Variants in DNM3 observed in about 807,000 individuals in gnomAD.
DNM3 encodes dynamin-3.
In DNM3, 47 loss-of-function variants were observed where a neutral mutation model predicts 101.6. That is an observed-to-expected ratio of 0.46 (90% CI 0.37 to 0.59). The LOEUF (loss-of-function observed/expected upper bound fraction) is 0.59, where lower values mean the gene tolerates loss of function less well. DNM3 is among the 20% of genes least tolerant of loss of function. DNM3 has a pLI of 0.00. For synonymous variants in DNM3, 385 were observed against 387.9 expected (o/e 0.99, Z 0.09); for missense variants, 849 against 1,085.7 (o/e 0.78, Z 3.06).
At chr1:172,143,254 C>A (rs1469442700) in intron 14 of DNM3, among the ~76,000 whole-genome samples, 1 of 152,042 alleles carries the variant, frequency 6.6e-6, no homozygotes, top group Non-Finnish European at 1.5e-5. Flanking sequence ...ACCACTGTAA[C>A]TTTAAAGGAG....
intron 2 of DNM3, among the ~76,000 whole-genome samples, chr1:171,922,412 C>G (rs1373922278): frequency 6.6e-6 from 1 of 151,350 alleles, no homozygotes; most frequent in Non-Finnish European, 1.5e-5. Flanking sequence ...GGCCATTTTT[C>G]TTTTTCCCCA....
At chr1:172,128,081 A>G (rs1356534830) in intron 13 of DNM3, among the ~76,000 whole-genome samples, 1 of 151,916 alleles carries the variant, frequency 6.6e-6, no homozygotes, top group Non-Finnish European at 1.5e-5. Flanking sequence ...CCATGATCTT[A>G]TTGCTTTTGT....
At chr1:171,918,763 A>T (rs2039923638) in intron 1 of DNM3, among the ~76,000 whole-genome samples, 1 of 152,218 alleles carries the variant, frequency 6.6e-6, no homozygotes, top group Non-Finnish European at 1.5e-5. Flanking sequence ...TAATAAAAAA[A>T]ATGTAGAGAA....
chr1:171,846,448 C>T (rs532154843), intron 1 of DNM3, among the ~76,000 whole-genome samples: 1 of 152,142 alleles, frequency 6.6e-6, no homozygotes, highest in Non-Finnish European at 1.5e-5. Context: ...GGAATGGAAA[C>T]TTAATGTTTA....
chr1:172,284,005 C>G (rs1250907688), intron 15 of DNM3, among the ~76,000 whole-genome samples: 1 of 152,002 alleles, frequency 6.6e-6, no homozygotes, highest in African/African-American at 2.4e-5. Context: ...CTACAATTTT[C>G]TCTTTTATAT....
chr1:171,976,842 T>A (rs1351168019), intron 2 of DNM3, among the ~76,000 whole-genome samples: 1 of 152,230 alleles, frequency 6.6e-6, no homozygotes, highest in Non-Finnish European at 1.5e-5. Flanking sequence ...ATACTTAGAG[T>A]TCTGATACAA....
At chr1:172,399,753 T>G (rs1295854217) in intron 20 of DNM3, 1 of 152,174 alleles carries the variant, frequency 6.6e-6, no homozygotes, top group Non-Finnish European at 1.5e-5. Context: ...ATTCTTTTTC[T>G]TCATATTTAC....
chr1:172,314,666 G>A (rs1465462300), intron 16 of DNM3, among the ~76,000 whole-genome samples: 2 of 152,204 alleles, frequency 1.3e-5, no homozygotes, highest in South Asian at 2.1e-4. Context: ...CAAACTGCAA[G>A]GTGGCAGCGA....
chr1:172,158,516 C>G (rs2058428184), intron 14 of DNM3, among the ~76,000 whole-genome samples: 1 of 151,456 alleles, frequency 6.6e-6, no homozygotes, highest in Admixed American at 6.6e-5. Flanking sequence ...AGACAGTGTG[C>G]AGTGAGAAGA....
chr1:172,372,476 T>C (rs1228805937), intron 17 of DNM3, among the ~76,000 whole-genome samples: 2 of 151,982 alleles, frequency 1.3e-5, no homozygotes, highest in Non-Finnish European at 2.9e-5. Flanking sequence ...CTATCTTATA[T>C]GCTACCTTAA....
At chr1:172,378,031 C>T (rs552993558) in intron 17 of DNM3, 23 of 152,168 alleles carry the variant, frequency 1.5e-4, no homozygotes, top group African/African-American at 5.5e-4. Context: ...AAGAAAAGCA[C>T]TTCGTGTCTA....
intron 2 of DNM3, among the ~76,000 whole-genome samples, chr1:171,937,475 A>G (rs934482188): frequency 2.6e-5 from 4 of 152,172 alleles, no homozygotes; most frequent in African/African-American, 9.7e-5. Flanking sequence ...CACAAGATAC[A>G]CTGGGTGGGC....
At chr1:172,365,124 G>A (rs1311738185) in intron 17 of DNM3, among the ~76,000 whole-genome samples, 1 of 151,768 alleles carries the variant, frequency 6.6e-6, no homozygotes, top group Non-Finnish European at 1.5e-5. Context: ...AGACAACTGG[G>A]GAAGTGTAAT....
At chr1:172,185,471 G>A (rs2059490163) in intron 14 of DNM3, among the ~76,000 whole-genome samples, 1 of 152,086 alleles carries the variant, frequency 6.6e-6, no homozygotes. Context: ...CATTGTGGGT[G>A]GGGTGCATTT....
chr1:172,418,107 C>T (rs74879587), intron 20 of DNM3, among the ~76,000 whole-genome samples: 7,221 of 152,178 alleles, frequency 0.047, 233 homozygotes, highest in East Asian at 0.12. Context: ...TGTGATGTCC[C>T]TTCATTTCCT....
intron 15 of DNM3, among the ~76,000 whole-genome samples, chr1:172,291,329 A>T (rs576243291): frequency 6.6e-6 from 1 of 152,256 alleles, no homozygotes; most frequent in Non-Finnish European, 1.5e-5. Context: ...GCATGCTAGT[A>T]TACAATATGA....
Position 171,987,709 on chromosome 1 carries a change from G to A in DNM3, c.289G>A (p.Val97Ile), listed in dbSNP as rs1466985642. Residue 97 changes from valine to isoleucine, a missense_variant, in exon 3 of 21, where the codon GTT becomes ATT. Transcript: ENST00000627582. ...KGKKFTDFDE[V>I]RLEIEAETDR... Reference sequence around the variant, plus strand: ...AAAGAAATTTACAGATTTTGATGAAGTTCGCCTTGAGATTGAAGCAGAAAC... The same window carrying A: ...AAAGAAATTTACAGATTTTGATGAAATTCGCCTTGAGATTGAAGCAGAAAC... 1.3e-6 allele frequency: 2 copies of A among 1,599,106 alleles called. No homozygotes were observed. Among genetic ancestry groups the A allele is most frequent in the Admixed American group, 1.8e-5 (1 of 57,112 alleles).
chr1:172,096,728 G>A (rs2147848958), intron 13 of DNM3, among the ~76,000 whole-genome samples: 1 of 152,304 alleles, frequency 6.6e-6, no homozygotes, highest in East Asian at 1.9e-4. Flanking sequence ...GTGGATAAAA[G>A]TGTTTAAGTC....
chr1:172,396,880 T>C (rs1021640457), intron 20 of DNM3, among the ~76,000 whole-genome samples: 2 of 152,210 alleles, frequency 1.3e-5, no homozygotes, highest in African/African-American at 4.8e-5. Flanking sequence ...TGAGAAAGAC[T>C]TTTAAAGGCA....
Sources: allele counts gnomAD v4.1 joint callset (sites outside exome capture counted in the v4.1 genomes callset), GRCh38; gene constraint gnomAD v4.1.1; transcripts MANE v1.5; gene names NCBI Gene and HGNC (gene_info 2026-07-23, HGNC 2026-07-21).